Variants in CES3 observed in about 807,000 individuals in gnomAD.
CES3 encodes the protein carboxylesterase 3 (brain).
A neutral mutation model predicts 57.6 loss-of-function variants in CES3; 49 were observed. The observed-to-expected ratio is 0.85, with a 90% CI of 0.68 to 1.08. The LOEUF (loss-of-function observed/expected upper bound fraction) is 1.08. CES3 is among the 50% of genes least tolerant of loss of function. The probability of loss-of-function intolerance (pLI) is 0.00; values close to 1 mark genes in which losing one functional copy is unlikely to be tolerated. For synonymous variants in CES3, 266 were observed against 281.6 expected, an observed-to-expected ratio of 0.94 and a Z score of 0.55; for missense variants, 645 against 742.0, an observed-to-expected ratio of 0.87 and a Z score of 1.52.
Position 66,963,891 on chromosome 16 carries a change from C to G in CES3, c.516C>G (p.Val172=), listed in dbSNP as rs775042194. 3 of 1,614,016 alleles carry G rather than the reference C, an allele frequency of 1.9e-6. No individual in the cohort carries two copies. Among genetic ancestry groups the G allele is most frequent in the African/African-American group, 2.7e-5 (2 of 74,920 alleles). ...CTCTGGCTGCCTATGGGGATGTGGTCGTGGTTACAGTCCAGTACCGCCTTG... is the reference window on the plus strand; with the variant it reads ...CTCTGGCTGCCTATGGGGATGTGGTGGTGGTTACAGTCCAGTACCGCCTTG... The part of the protein sequence containing the change: ...GSALAAYGDV[V]VVTVQYRLGV... The change falls in exon 4 of 13, where the codon GTC becomes GTG. Residue 172 remains valine, a synonymous_variant. Transcript: ENST00000303334. This position sits in a 1 kb window ranked among gnomAD's most constrained non-coding sequence, Gnocchi z 4.9.
At chr16:66,964,152 C>A (rs1963695747) in intron 4 of CES3, among the ~76,000 whole-genome samples, 1 of 152,232 alleles carries the variant, frequency 6.6e-6, no homozygotes, top group Admixed American at 6.5e-5. Flanking sequence ...GGGCAGAGGG[C>A]ATTGATTCCT....
In CES3 at chr16:66,969,777, A is replaced by T. The variant is rs369197657; in HGVS notation, c.1143+18A>T. Reference sequence around the variant, plus strand: ...CCAGTCTGGTGAGACAAGAGGCAGGAGGGAGGAAGCTAGGGCAGGAGGGAG... The same window carrying T: ...CCAGTCTGGTGAGACAAGAGGCAGGTGGGAGGAAGCTAGGGCAGGAGGGAG... On this transcript the variant is annotated intron_variant, in intron 9 of 12. Transcript: ENST00000303334. 219 of 1,604,496 alleles carry T rather than the reference A, an allele frequency of 1.4e-4. No individual in the cohort carries two copies. The highest frequency in any genetic ancestry group is 1.8e-4 in the Non-Finnish European group (209 of 1,175,078).
In CES3 at chr16:66,961,272, C is replaced by T; in HGVS notation, c.-36C>T. The stretch of plus-strand genomic sequence containing the variant: ...GCTGAAGGGCAGGGATCTTATTCCA[C>T]CTTCTGAAGCTTCTGTCGAACCAGT... On this transcript the variant is annotated 5_prime_UTR_variant, in exon 1 of 13. Coordinates refer to ENST00000303334, the MANE Select transcript of CES3 (RefSeq NM_024922.6). The T allele has an allele frequency of 1.9e-6, 3 of 1,563,510 alleles. No homozygotes were observed. Among genetic ancestry groups the T allele is most frequent in the Non-Finnish European group, 1.8e-6 (2 of 1,135,874 alleles).
In CES3 at chr16:66,966,796, G is replaced by C; in HGVS notation, c.993G>C (p.Glu331Asp). The C allele has an allele frequency of 6.2e-7, 1 of 1,614,162 alleles. No individual in the cohort carries two copies. Among genetic ancestry groups the C allele is most frequent in the Non-Finnish European group, 8.5e-7 (1 of 1,180,024 alleles). ...AAAGCCCCAAGGAACTCCTGAAGGA[G>C]AAGCCCTTCCACTCTGTGCCCTTCC... ...FPKSPKELLK[E>D]KPFHSVPFLM... The change falls in exon 8 of 13, where the codon GAG (glutamate) becomes GAC (aspartate). Residue 331 changes from glutamate to aspartate, a missense_variant. Coordinates refer to ENST00000303334, the MANE Select transcript of CES3 (RefSeq NM_024922.6).
chr16:66,971,590 C>T (rs1963835019), intron 10 of CES3, among the ~76,000 whole-genome samples: 1 of 152,178 alleles, frequency 6.6e-6, no homozygotes, highest in Non-Finnish European at 1.5e-5. Flanking sequence ...ATCACTAATT[C>T]TCAGGGATTC....
In CES3 at chr16:66,972,581, C is replaced by T. The variant is rs550738113; in HGVS notation, c.1441+76C>T. 1.5e-4 allele frequency: 240 copies of T among 1,606,990 alleles called. 2 individuals carry two copies. In the South Asian group the frequency reaches 2.3e-3, roughly 16 times the overall value. On this transcript the variant is annotated intron_variant, in intron 11 of 12. Coordinates refer to ENST00000303334, the MANE Select transcript of CES3 (RefSeq NM_024922.6). ...GGCCTGGGCAGGGCTTGCAGGAACA[C>T]GGGTCTCCAGTCAGCACTGAGGATC...
chr16:66,972,555 G>C (rs1217543812), intron 11 of CES3, 50 bp downstream of exon 11: 2 of 1,605,692 alleles, frequency 1.2e-6, no homozygotes, highest in Non-Finnish European at 1.7e-6. Flanking sequence ...AGACTCCAAG[G>C]GGCCTGGGCA....
At chr16:66,971,412 C>G in intron 10 of CES3, 93 bp downstream of exon 10, 1 of 1,347,474 alleles carries the variant, frequency 7.4e-7, no homozygotes, top group Non-Finnish European at 1.0e-6. Context: ...GGTGCTGGTT[C>G]CCTCAATGCC....
rs11861989 is a variant in CES3, at chr16:66,969,744, C to G, written c.1128C>G (p.Pro376=). Residue 376 remains proline, a synonymous_variant, in exon 9 of 13, where the codon CCC becomes CCG. Transcript: ENST00000303334. ...AGGACATGCTGGCCATCTCAACACC[C>G]GTCTTGACCAGTCTGGTGAGACAAG... is the stretch of plus-strand genomic sequence containing the variant. The part of the protein sequence containing the change: ...SREDMLAIST[P]VLTSLDVPPE... 6.2e-7 allele frequency: 1 copy of G among 1,612,512 alleles called. No homozygotes were observed. The highest frequency in any genetic ancestry group is 1.3e-5 in the African/African-American group (1 of 74,766).
Position 66,967,924 on chromosome 16 carries a change from C to CA in CES3, c.1062+1059_1062+1060insA, listed in dbSNP as rs758972687. 27 of 230,388 alleles carry CA rather than the reference C, an allele frequency of 1.2e-4. No homozygotes were observed. In the East Asian group the frequency reaches 3.5e-3, roughly 30 times the overall value. 14.3% of individuals were successfully genotyped at this position (230,388 alleles called of 1,614,324 possible). On this transcript the variant is annotated intron_variant, in intron 8 of 12. Coordinates refer to ENST00000303334, the MANE Select transcript of CES3 (RefSeq NM_024922.6). The stretch of plus-strand genomic sequence containing the variant: ...GGTCTGTGCCACCATACTCTGCTAA[C>CA]TTTTTTTTTCTTCCGTGTATAGTCA...
At chr16:66,965,890 A>G (rs2145533778) in intron 6 of CES3, among the ~76,000 whole-genome samples, 1 of 152,336 alleles carries the variant, frequency 6.6e-6, no homozygotes, top group Non-Finnish European at 1.5e-5. Flanking sequence ...CGGTGAGCCA[A>G]GATCATGCCA....
chr16:66,973,210 C>A lies in CES3; in HGVS notation c.*161C>A. The stretch of plus-strand genomic sequence containing the variant: ...GGAGTTATGCTCTTTTGAAATGTCA[C>A]AAGGCCGCCTCCCACCTCTGGGGCA... On this transcript the variant is annotated 3_prime_UTR_variant, in exon 13 of 13. Transcript: ENST00000303334. 1 of 658,178 alleles carries A rather than the reference C, an allele frequency of 1.5e-6. No homozygotes were observed. Among genetic ancestry groups the A allele is most frequent in the Non-Finnish European group, 2.6e-6 (1 of 386,430 alleles). The allele number at this position is 658,178 out of a possible 1,614,324, so 40.8% of individuals were successfully genotyped here. A position where few individuals can be genotyped will look rare whatever the true frequency, so the allele number is the denominator to read the frequency against.
chr16:66,969,538 T>G, intron 8 of CES3, 141 bp from the exon 9 acceptor site: 1 of 716,260 alleles, frequency 1.4e-6, no homozygotes, highest in Non-Finnish European at 2.4e-6. Context: ...TTTGGATCTG[T>G]GGACTTTTCG....
rs1963885372 is a variant in CES3 at position 66,973,739 on chromosome 16, A to T, written c.*690A>T. 6.6e-6 allele frequency: 1 copy of T among 152,640 alleles called. No homozygotes were observed. Among genetic ancestry groups the T allele is most frequent in the South Asian group, 2.1e-4 (1 of 4,830 alleles). The allele number at this position is 152,640 out of a possible 1,614,324, so 9.5% of individuals were successfully genotyped here. On this transcript the variant is annotated 3_prime_UTR_variant, in exon 13 of 13. Coordinates refer to ENST00000303334, the MANE Select transcript of CES3 (RefSeq NM_024922.6). ...GACCTTAGCCCCTGACTAAGGCCTCAGACTAGGGCGGGAGGGGTCTCCTCC... is the reference window on the plus strand; with the variant it reads ...GACCTTAGCCCCTGACTAAGGCCTCTGACTAGGGCGGGAGGGGTCTCCTCC...
chr16:66,974,359 G>C lies in CES3; in HGVS notation c.*1310G>C, dbSNP rs2145544946. ...GTTCCGGGTGGGCGTGGGCTCGGCG[G>C]GGCCCCACTCAGAGCAGCTGGCCGG... is the stretch of plus-strand genomic sequence containing the variant. On this transcript the variant is annotated 3_prime_UTR_variant, in exon 13 of 13. Coordinates refer to ENST00000303334, the MANE Select transcript of CES3 (RefSeq NM_024922.6). 6.6e-6 allele frequency: 1 copy of C among 152,422 alleles called. No homozygotes were observed. The highest frequency in any genetic ancestry group is 6.5e-5 in the Admixed American group (1 of 15,310). 9.4% of individuals were successfully genotyped at this position (152,422 alleles called of 1,614,324 possible).
chr16:66,964,487 G>A lies in CES3; in HGVS notation c.691G>A (p.Gly231Ser), dbSNP rs145544825. ...NCVTVFGGSAGGSIISGLVLS... is the reference protein window; with the variant it reads ...NCVTVFGGSASGSIISGLVLS... ...TGTCACTGTCTTTGGTGGATCTGCC[G>A]GTGGGAGCATCATCTCTGGCCTGGT... is the stretch of plus-strand genomic sequence containing the variant. The change falls in exon 5 of 13, where the codon GGT becomes AGT. Residue 231 changes from glycine (G) to serine (S), a missense_variant. By Grantham distance (56) the Gly-to-Ser change is moderately conservative. Coordinates refer to ENST00000303334, the MANE Select transcript of CES3 (RefSeq NM_024922.6). 996 of 1,614,100 alleles carry A rather than the reference G, an allele frequency of 6.2e-4. 4 individuals are homozygous for A. The highest frequency in any genetic ancestry group is 3.1e-3 in the Middle Eastern group (19 of 6,060).
At chr16:66,970,504 G>A (rs1229111208) in intron 9 of CES3, among the ~76,000 whole-genome samples, 1 of 152,242 alleles carries the variant, frequency 6.6e-6, no homozygotes, top group Non-Finnish European at 1.5e-5. Context: ...CAGAGGCAGA[G>A]TTTAAGCCAG....
chr16:66,974,058 TG>T lies in CES3; in HGVS notation c.*1010del, dbSNP rs893994093. The stretch of plus-strand genomic sequence containing the variant: ...AAAGAAGAGACCCACCCACTCGGGC[TG>T]CAAAAGGTGAAAAGCACCAAGAGGT... On this transcript the variant is annotated 3_prime_UTR_variant, in exon 13 of 13. Transcript: ENST00000303334. 1 of 152,460 alleles carries T rather than the reference TG, an allele frequency of 6.6e-6. No homozygotes were observed. Among genetic ancestry groups the T allele is most frequent in the Admixed American group, 6.5e-5 (1 of 15,276 alleles). 9.4% of individuals were successfully genotyped at this position (152,460 alleles called of 1,614,324 possible).
Position 66,964,484 on chromosome 16 carries a change from G to C in CES3, c.688G>C (p.Ala230Pro). ...LNCVTVFGGSAGGSIISGLVL... is the reference protein window; with the variant it reads ...LNCVTVFGGSPGGSIISGLVL... ...CTGTGTCACTGTCTTTGGTGGATCT[G>C]CCGGTGGGAGCATCATCTCTGGCCT... The change falls in exon 5 of 13, where the codon GCC becomes CCC. Residue 230 changes from alanine to proline, a missense_variant. Coordinates refer to ENST00000303334, the MANE Select transcript of CES3 (RefSeq NM_024922.6). 1 of 1,614,094 alleles carries C rather than the reference G, an allele frequency of 6.2e-7. No homozygotes were observed. The highest frequency in any genetic ancestry group is 8.5e-7 in the Non-Finnish European group (1 of 1,179,984).
Sources: allele counts gnomAD v4.1 joint callset (sites outside exome capture counted in the v4.1 genomes callset), GRCh38; gene constraint gnomAD v4.1.1; non-coding constraint Gnocchi (gnomAD v3.1); transcripts MANE v1.5; gene names NCBI Gene and HGNC (gene_info 2026-07-23, HGNC 2026-07-21).